SLCO5A1: variants seen among roughly 807,000 people sequenced by gnomAD.
The protein encoded by SLCO5A1 is solute carrier organic anion transporter family member 5A1, also known as organic anion transporter polypeptide-related protein 4.
Under a neutral mutation model 65.1 loss-of-function variants are expected in SLCO5A1, and 39 were observed. The observed-to-expected ratio is 0.60, with a 90% CI of 0.46 to 0.78. The LOEUF is 0.78. SLCO5A1 is among the 30% of genes least tolerant of loss of function. The probability of loss-of-function intolerance (pLI) is 0.00; values close to 1 mark genes in which losing one functional copy is unlikely to be tolerated. For synonymous variants in SLCO5A1, 438 were observed against 415.7 expected (o/e 1.05, Z -0.65); for missense variants, 1,029 against 1,069.4 (o/e 0.96, Z 0.53).
rs1563715542 is a variant in SLCO5A1 at position 69,772,655 on chromosome 8, A to AAAGGG, written c.908-10781_908-10780insCCCTT. On this transcript the variant is annotated intron_variant, in intron 2 of 9. Coordinates refer to ENST00000260126, the MANE Select transcript of SLCO5A1 (RefSeq NM_030958.3). The stretch of plus-strand genomic sequence containing the variant: ...AAAGGAAAGGAAAGGAAAGGAAAGG[A>AAAGGG]AAAGAAATGATTCTGGAGCTCCTAA... 2.0e-5 allele frequency among the ~76,000 whole-genome samples: 3 copies of AAAGGG among 150,866 alleles called. No individual in the cohort carries two copies. The East Asian group carries it at 5.9e-4, about 30-fold the overall frequency.
In SLCO5A1 at chr8:69,690,036, C is replaced by T. The variant is rs188899584; in HGVS notation, c.1623-7693G>A. The stretch of plus-strand genomic sequence containing the variant: ...TCAGCAAGGCCGGTGGACCCCGCCC[C>T]GCCCCTTTGCGGGTACGGGGGGGCG... On this transcript the variant is annotated intron_variant, in intron 6 of 9. Transcript: ENST00000260126. 8.2e-5 allele frequency among the ~76,000 whole-genome samples: 12 copies of T among 146,898 alleles called. No individual in the cohort carries two copies. In the East Asian group the frequency reaches 1.1e-3, roughly 13 times the overall value.
At chr8:69,696,769 G>A (rs760071630) in intron 6 of SLCO5A1, among the ~76,000 whole-genome samples, 2 of 152,002 alleles carry the variant, frequency 1.3e-5, no homozygotes, top group African/African-American at 2.4e-5. Flanking sequence ...TAAAATGCAA[G>A]GCATAAAAAC....
At chr8:69,712,060 A>G (rs1815293514) in intron 5 of SLCO5A1, among the ~76,000 whole-genome samples, 1 of 152,202 alleles carries the variant, frequency 6.6e-6, no homozygotes, top group African/African-American at 2.4e-5. Context: ...ATATTTACTT[A>G]CTATGTGTTC....
At chr8:69,748,107 C>T (rs1271989731) in intron 4 of SLCO5A1, among the ~76,000 whole-genome samples, 1 of 152,118 alleles carries the variant, frequency 6.6e-6, no homozygotes, top group Non-Finnish European at 1.5e-5. Flanking sequence ...CAGCAAATGG[C>T]ATTTGCTGCT....
At chr8:69,699,409 G>A (rs1221309175) in intron 6 of SLCO5A1, among the ~76,000 whole-genome samples, 1 of 152,200 alleles carries the variant, frequency 6.6e-6, no homozygotes, top group African/African-American at 2.4e-5. Context: ...GGCCCTAGCA[G>A]GAGAGAAAGG....
chr8:69,784,228 AG>A, intron 2 of SLCO5A1, among the ~76,000 whole-genome samples: 1 of 152,348 alleles, frequency 6.6e-6, no homozygotes, highest in Non-Finnish European at 1.5e-5. Context: ...TAATGGAGAA[AG>A]GGCAAAAATT....
chr8:69,821,391 G>A (rs1488318297), intron 2 of SLCO5A1, among the ~76,000 whole-genome samples: 1 of 151,102 alleles, frequency 6.6e-6, no homozygotes, highest in African/African-American at 2.4e-5. Flanking sequence ...AAATGAAGAA[G>A]AACAGGAAGA....
chr8:69,772,880 C>T, intron 2 of SLCO5A1: 1 of 974,056 alleles, frequency 1.0e-6, no homozygotes, highest in Non-Finnish European at 1.2e-6. Flanking sequence ...GTGAACAAAA[C>T]TGATGCATTT....
chr8:69,795,402 A>C (rs983810583), intron 2 of SLCO5A1, among the ~76,000 whole-genome samples: 7 of 152,220 alleles, frequency 4.6e-5, no homozygotes, highest in African/African-American at 1.7e-4. Flanking sequence ...AATTCAGCAA[A>C]AGGGGCTACA....
chr8:69,733,156 A>C (rs1586738166), intron 5 of SLCO5A1, among the ~76,000 whole-genome samples: 1 of 152,172 alleles, frequency 6.6e-6, no homozygotes, highest in South Asian at 2.1e-4. Context: ...TTTTATTATC[A>C]TCGTTATTAT....
chr8:69,804,994 G>A (rs1271157616), intron 2 of SLCO5A1, among the ~76,000 whole-genome samples: 1 of 152,038 alleles, frequency 6.6e-6, no homozygotes, highest in Non-Finnish European at 1.5e-5. Context: ...TCACAAACCA[G>A]GTGTTAACTC....
intron 5 of SLCO5A1, among the ~76,000 whole-genome samples, chr8:69,727,102 C>T (rs1816116762): frequency 6.6e-6 from 1 of 152,166 alleles, no homozygotes; most frequent in Non-Finnish European, 1.5e-5. Flanking sequence ...ACAAGGTTCA[C>T]TAGACTGTGA....
At chr8:69,680,581 G>A (rs913980815) in intron 7 of SLCO5A1, among the ~76,000 whole-genome samples, 1 of 152,144 alleles carries the variant, frequency 6.6e-6, no homozygotes, top group African/African-American at 2.4e-5. Context: ...TGTGAACAGT[G>A]CTGCGATGAA....
At chr8:69,674,807 G>A (rs1454827650) in intron 9 of SLCO5A1, among the ~76,000 whole-genome samples, 1 of 151,308 alleles carries the variant, frequency 6.6e-6, no homozygotes, top group Admixed American at 6.6e-5. Flanking sequence ...GATCACCTGA[G>A]GTCAAGAGCT....
At chr8:69,833,878 G>A (rs1821292302) in intron 1 of SLCO5A1, 1 of 152,288 alleles carries the variant, frequency 6.6e-6, no homozygotes, top group Non-Finnish European at 1.5e-5. Context: ...CTAAGTCCCA[G>A]AGCGCGGTAT....
intron 2 of SLCO5A1, among the ~76,000 whole-genome samples, chr8:69,823,688 C>A (rs36190015): frequency 0.34 from 51,634 of 151,920 alleles, 8,897 homozygotes; most frequent in African/African-American, 0.39. Flanking sequence ...GAGACTTTAA[C>A]ACCCCACTGT....
chr8:69,809,070 C>T (rs1273338363), intron 2 of SLCO5A1, among the ~76,000 whole-genome samples: 3 of 152,138 alleles, frequency 2.0e-5, no homozygotes, highest in Non-Finnish European at 2.9e-5. Flanking sequence ...CACCATTGCA[C>T]TCCAGCCTGG....
At chr8:69,691,191 T>A (rs1402350055) in intron 6 of SLCO5A1, among the ~76,000 whole-genome samples, 4 of 152,106 alleles carry the variant, frequency 2.6e-5, no homozygotes, top group Non-Finnish European at 5.9e-5. Flanking sequence ...GCAAAACACA[T>A]TTCTTAATTA....
At chr8:69,797,839 C>T (rs916481682) in intron 2 of SLCO5A1, among the ~76,000 whole-genome samples, 1 of 152,200 alleles carries the variant, frequency 6.6e-6, no homozygotes, top group Non-Finnish European at 1.5e-5. Context: ...TGCCCCGGTC[C>T]TGTGGTCCTG....
Sources: allele counts gnomAD v4.1 joint callset (sites outside exome capture counted in the v4.1 genomes callset), GRCh38; gene constraint gnomAD v4.1.1; transcripts MANE v1.5; gene names NCBI Gene and HGNC (gene_info 2026-07-23, HGNC 2026-07-21).